ABCA7: variants seen among roughly 807,000 people sequenced by gnomAD.
ABCA7 encodes the protein ATP binding cassette subfamily A member 7, also known as phospholipid-transporting ATPase ABCA7.
In ABCA7, 261 loss-of-function variants were observed where a neutral mutation model predicts 227.6. The ratio of observed to expected loss-of-function variants is 1.15; its 90% CI spans 1.04 to 1.27. ABCA7 has a LOEUF of 1.27. Among genes scored for constraint, ABCA7 ranks in the 50% most tolerant of loss-of-function variants. The probability of loss-of-function intolerance (pLI) is 0.00; values close to 1 mark genes in which losing one functional copy is unlikely to be tolerated. For missense variants in ABCA7, 3,331 were observed against 2,924.5 expected, an observed-to-expected ratio of 1.14 and a Z score of -3.21; for synonymous variants, 1,488 against 1,279.7, an observed-to-expected ratio of 1.16 and a Z score of -3.47.
Position 1,065,278 on chromosome 19 carries a change from G to C in ABCA7, c.6294G>C (p.Leu2098Phe), listed in dbSNP as rs765763970. The part of the protein sequence containing the change: ...VSQTMLEEVF[L>F]YFSKDQGKDE... ...GGGCTGCCCACCGCTAGGTATTCTT[G>C]TACTTCTCCAAGGACCAGGGGAAGG... The change falls in exon 47 of 47, where the codon TTG becomes TTC. Residue 2098 changes from leucine to phenylalanine, a missense_variant. Physicochemically the swap from Leu to Phe is conservative, Grantham distance 22. Transcript: ENST00000263094. 1 of 1,613,276 alleles carries C rather than the reference G, an allele frequency of 6.2e-7. No homozygotes were observed.
intron 17 of ABCA7, 89 bp downstream of exon 17, chr19:1,049,094 C>T: frequency 1.0e-6 from 1 of 966,096 alleles, no homozygotes; most frequent in Middle Eastern, 3.4e-4. Flanking sequence ...ATGACAATGA[C>T]CTGGACACCC....
chr19:1,051,687 G>T (rs946545450), intron 21 of ABCA7, 101 bp downstream of exon 21: 1 of 1,230,750 alleles, frequency 8.1e-7, no homozygotes, highest in Non-Finnish European at 1.1e-6. Flanking sequence ...GCTACATGTG[G>T]ACCCCACTTG....
intron 5 of ABCA7, 40 bp downstream of exon 5, chr19:1,042,216 A>C (rs1482500682): frequency 6.3e-7 from 1 of 1,593,486 alleles, no homozygotes; most frequent in Non-Finnish European, 8.5e-7. Context: ...CTGAGCTCTG[A>C]GCCTCAACTT....
intron 18 of ABCA7, among the ~76,000 whole-genome samples, 193 bp from the exon 19 acceptor site, chr19:1,050,728 C>T (rs965337666): frequency 1.3e-4 from 19 of 149,952 alleles, no homozygotes; most frequent in South Asian, 2.1e-4. Flanking sequence ...TGCAGTGAGC[C>T]GAGATCGTGC....
Position 1,049,269 on chromosome 19 carries a change from T to C in ABCA7, c.2384T>C (p.Leu795Pro). The change falls in exon 18 of 47, where the codon CTG (leucine) becomes CCG (proline). Residue 795 changes from leucine to proline, a missense_variant. Leu to Pro is a moderately conservative substitution (Grantham distance 98, BLOSUM62 -3). Coordinates refer to ENST00000263094, the MANE Select transcript of ABCA7 (RefSeq NM_019112.4). ...TGAGTCCACCCCATCTCTGCAGTGC[T>C]GGTAGAAGAGGCACCGCCCGGCCTG... Reference protein sequence around the residue: ...PCPTPLDPKVLVEEAPPGLSP... With the variant: ...PCPTPLDPKVPVEEAPPGLSP... The C allele has an allele frequency of 1.2e-6, 2 of 1,602,612 alleles. No homozygotes were observed. Among genetic ancestry groups the C allele is most frequent in the Non-Finnish European group, 1.7e-6 (2 of 1,173,114 alleles).
Position 1,065,518 on chromosome 19 carries a change from G to T in ABCA7, c.*93G>T. 4 of 1,434,938 alleles carry T rather than the reference G, an allele frequency of 2.8e-6. No homozygotes were observed. Among genetic ancestry groups the T allele is most frequent in the Middle Eastern group, 2.2e-4 (1 of 4,524 alleles). The allele number at this position is 1,434,938 out of a possible 1,614,324, so 88.9% of individuals were successfully genotyped here. A position where few individuals can be genotyped will look rare whatever the true frequency, so the allele number is the denominator to read the frequency against. On this transcript the variant is annotated 3_prime_UTR_variant, in exon 47 of 47. Transcript: ENST00000263094. The stretch of plus-strand genomic sequence containing the variant: ...GCCCTGGACTCAGGCTGGCAGAGGG[G>T]CTGGTGCCCTGGAGAAAATAAAGAG...
intron 40 of ABCA7, 59 bp from the exon 41 acceptor site, chr19:1,061,721 CAG>C: frequency 8.5e-7 from 1 of 1,178,750 alleles, no homozygotes. Context: ...AAAAAGAAAT[CAG>C]AGATGCCGGA....
chr19:1,062,120 GT>G (rs912592859), intron 41 of ABCA7, 51 bp from the exon 42 acceptor site: 1 of 1,594,424 alleles, frequency 6.3e-7, no homozygotes, highest in African/African-American at 1.3e-5. Flanking sequence ...TTAGCCACCA[GT>G]ATGGTCAGGG....
chr19:1,060,377 G>C (rs2042578892), intron 40 of ABCA7, among the ~76,000 whole-genome samples: 1 of 150,358 alleles, frequency 6.7e-6, no homozygotes, highest in Non-Finnish European at 1.5e-5. Context: ...ATGCCCAGCT[G>C]ATTTTGTATT....
rs535721271 is a variant in ABCA7, at chr19:1,064,106, C to T, written c.5952-55C>T. On this transcript the variant is annotated intron_variant, in intron 44 of 46. Coordinates refer to ENST00000263094, the MANE Select transcript of ABCA7 (RefSeq NM_019112.4). ...AGGCCGGGGGAAGCAGGCAGTGTGGCGCCAGGCACAGGTGGCCCCGGCCTC... is the reference window on the plus strand; with the variant it reads ...AGGCCGGGGGAAGCAGGCAGTGTGGTGCCAGGCACAGGTGGCCCCGGCCTC... The T allele has an allele frequency of 1.6e-5, 24 of 1,488,698 alleles. No individual in the cohort carries two copies. In the East Asian group the frequency reaches 4.5e-4, roughly 28 times the overall value. The allele number at this position is 1,488,698 out of a possible 1,614,324, so 92.2% of individuals were successfully genotyped here. A position where few individuals can be genotyped will look rare whatever the true frequency, so the allele number is the denominator to read the frequency against.
intron 45 of ABCA7, chr19:1,064,611 G>C (rs1003267792): frequency 2.0e-6 from 1 of 505,674 alleles, no homozygotes. Flanking sequence ...TTTATTGTGT[G>C]GGCGGGGGTA....
chr19:1,053,461 G>C lies in ABCA7; in HGVS notation c.3353G>C (p.Arg1118Pro). ...GACGGCAGCTTCGCCACACTCTTCC[G>C]AGAGCTAGACACGCGGCTGGCGGAG... is the stretch of plus-strand genomic sequence containing the variant. ...AHDGSFATLFRELDTRLAELR... is the reference protein window; with the variant it reads ...AHDGSFATLFPELDTRLAELR... The change falls in exon 24 of 47, where the codon CGA (arginine) becomes CCA (proline). Residue 1118 changes from arginine (R) to proline (P), a missense_variant. Physicochemically the swap from Arg to Pro is moderately radical, Grantham distance 103. Transcript: ENST00000263094. The C allele has an allele frequency of 6.3e-7, 1 of 1,599,314 alleles. No homozygotes were observed. The highest frequency in any genetic ancestry group is 8.5e-7 in the Non-Finnish European group (1 of 1,175,066).
chr19:1,047,999 G>A (rs1388514767), intron 16 of ABCA7, among the ~76,000 whole-genome samples: 2 of 151,526 alleles, frequency 1.3e-5, no homozygotes, highest in Non-Finnish European at 2.9e-5. Context: ...GACCAGGCTG[G>A]GCAATATAGT....
rs1214419948 is a variant in ABCA7 at position 1,056,515 on chromosome 19, C to T, written c.4586+16C>T. The T allele has an allele frequency of 1.9e-6, 3 of 1,605,230 alleles. No individual in the cohort carries two copies. The highest frequency in any genetic ancestry group is 2.6e-6 in the Non-Finnish European group (3 of 1,175,716). On this transcript the variant is annotated intron_variant, in intron 33 of 46. Coordinates refer to ENST00000263094, the MANE Select transcript of ABCA7 (RefSeq NM_019112.4). This position sits in a 1 kb window ranked among gnomAD's most constrained non-coding sequence, Gnocchi z 4.3. ...AGGGTGCACTGTGAGTCCCTCCACC[C>T]TGCATGTCCTACCCTGCACGTCCTA...
intron 40 of ABCA7, 163 bp downstream of exon 40, chr19:1,059,248 A>ATTTATTTAT (rs1555698715): frequency 1.1e-4 from 19 of 178,578 alleles, no homozygotes; most frequent in African/African-American, 2.1e-4. Context: ...TTATTATATT[A>ATTTATTTAT]TTATTTATTT....
At chr19:1,050,816 A>AATAATAATG (rs1360311517) in intron 18 of ABCA7, 105 bp from the exon 19 acceptor site, 1 of 630,046 alleles carries the variant, frequency 1.6e-6, no homozygotes, top group Non-Finnish European at 2.1e-6. Flanking sequence ...TAATAATAAT[A>AATAATAATG]ATAAATAATT....
chr19:1,050,072 T>C (rs541513624), intron 18 of ABCA7, among the ~76,000 whole-genome samples: 1 of 144,154 alleles, frequency 6.9e-6, no homozygotes, highest in South Asian at 2.3e-4. Flanking sequence ...TGAGCAGTAA[T>C]GGCGCCACTG....
chr19:1,043,344 C>T lies in ABCA7; in HGVS notation c.801C>T (p.Cys267=), dbSNP rs755393286. 1 of 1,613,106 alleles carries T rather than the reference C, an allele frequency of 6.2e-7. No homozygotes were observed. Among genetic ancestry groups the T allele is most frequent in the Non-Finnish European group, 8.5e-7 (1 of 1,179,986 alleles). ...GCACCCCCATCCCAGGCCCCGCCTG[C>T]TCGGAGCTGATTGGAGCCCTGGACA... is the stretch of plus-strand genomic sequence containing the variant. ...ALPDSSLSPA[C]SELIGALDSH... The change falls in exon 9 of 47, where the codon TGC becomes TGT. Residue 267 remains cysteine, a synonymous_variant. Coordinates refer to ENST00000263094, the MANE Select transcript of ABCA7 (RefSeq NM_019112.4).
At position 1,044,605 on chromosome 19, in the gene ABCA7, G is replaced by A; in HGVS notation, c.1076G>A (p.Arg359Lys). 2 of 1,612,962 alleles carry A rather than the reference G, an allele frequency of 1.2e-6. No homozygotes were observed. Among genetic ancestry groups the A allele is most frequent in the Non-Finnish European group, 1.7e-6 (2 of 1,179,828 alleles). ...CTCCTGCAGATGCAGGATGAAGGAAGAAGGCAGCCCAGACCTGGAGGCCGG... is the reference window on the plus strand; with the variant it reads ...CTCCTGCAGATGCAGGATGAAGGAAAAAGGCAGCCCAGACCTGGAGGCCGG... Reference protein sequence around the residue: ...QRLLQMQDEGRRQPRPGGRDH... With the variant: ...QRLLQMQDEGKRQPRPGGRDH... Residue 359 changes from arginine (R) to lysine (K), a missense_variant, in exon 11 of 47, where the codon AGA (arginine) becomes AAA (lysine). Transcript: ENST00000263094.
Sources: gnomAD v4.1 joint callset for allele counts (sites outside exome capture counted in the v4.1 genomes callset) on GRCh38, gnomAD v4.1.1 for gene constraint, Gnocchi (gnomAD v3.1) non-coding constraint, MANE v1.5 for transcripts, NCBI Gene and HGNC (gene_info 2026-07-23, HGNC 2026-07-21) for gene names.